Variants in CCR3 observed in about 807,000 individuals in gnomAD.
CCR3 encodes C-C motif chemokine receptor 3.
For missense variants in CCR3, 419 were observed against 437.5 expected (o/e 0.96, Z 0.38); for synonymous variants, 203 against 179.2 (o/e 1.13, Z -1.06).
intron 1 of CCR3, among the ~76,000 whole-genome samples, chr3:46,253,448 T>C (rs1192761682): frequency 6.6e-6 from 1 of 152,186 alleles, no homozygotes; most frequent in African/African-American, 2.4e-5. Context: ...TACGCTTGGC[T>C]TCTTCAACTC....
intron 2 of CCR3, among the ~76,000 whole-genome samples, chr3:46,232,843 T>A (rs937028184): frequency 8.5e-5 from 13 of 152,232 alleles, no homozygotes; most frequent in Non-Finnish European, 1.2e-4. Context: ...TCCTTTTTTG[T>A]GTTTTTCTAG....
chr3:46,233,498 A>T (rs576091558), intron 2 of CCR3, among the ~76,000 whole-genome samples: 13 of 151,808 alleles, frequency 8.6e-5, no homozygotes, highest in Non-Finnish European at 1.8e-4. Flanking sequence ...CCATACTCCT[A>T]AGCTATCTTC....
At chr3:46,211,539 G>T (rs765974810) in intron 2 of CCR3, among the ~76,000 whole-genome samples, 1 of 151,874 alleles carries the variant, frequency 6.6e-6, no homozygotes, top group Non-Finnish European at 1.5e-5. Context: ...ACCTAGATTT[G>T]CATTTCTAAT....
intron 2 of CCR3, among the ~76,000 whole-genome samples, chr3:46,211,248 G>A (rs1022609110): frequency 2.0e-5 from 3 of 150,542 alleles, no homozygotes; most frequent in African/African-American, 2.4e-5. Flanking sequence ...GCCCAGGCTG[G>A]GGTGCAGTAG....
intron 1 of CCR3, among the ~76,000 whole-genome samples, chr3:46,255,025 T>C (rs1700390959): frequency 6.6e-6 from 1 of 151,272 alleles, no homozygotes; most frequent in South Asian, 2.1e-4. Context: ...ATCAACAGCA[T>C]AAAGTGTTCT....
intron 2 of CCR3, among the ~76,000 whole-genome samples, chr3:46,216,487 C>A (rs1034927684): frequency 6.6e-6 from 1 of 152,132 alleles, no homozygotes; most frequent in African/African-American, 2.4e-5. Flanking sequence ...ACAAGAAGCT[C>A]AAAGAACACC....
At chr3:46,254,429 G>T (rs532830374) in intron 1 of CCR3, among the ~76,000 whole-genome samples, 34 of 150,276 alleles carry the variant, frequency 2.3e-4, no homozygotes, top group African/African-American at 8.1e-4. Context: ...AGCACTTACA[G>T]CATAGTTTAT....
intron 1 of CCR3, among the ~76,000 whole-genome samples, chr3:46,251,049 G>A (rs2125930760): frequency 6.6e-6 from 1 of 151,912 alleles, no homozygotes; most frequent in Non-Finnish European, 1.5e-5. Flanking sequence ...GAAGGAGAAG[G>A]GGTTGAGGGG....
chr3:46,240,342 G>T (rs780887205), upstream of CCR3, among the ~76,000 whole-genome samples: 6 of 152,166 alleles, frequency 3.9e-5, no homozygotes, highest in Admixed American at 6.5e-5. Flanking sequence ...CTGGCATTAG[G>T]ATGCAAGCAT....
intron 1 of CCR3, among the ~76,000 whole-genome samples, chr3:46,253,823 A>G (rs543896257): frequency 1.3e-5 from 2 of 152,278 alleles, no homozygotes; most frequent in South Asian, 4.1e-4. Context: ...TTAATAGAAA[A>G]CTGTTTAAAT....
At chr3:46,259,735 T>C (rs1334188130) in intron 1 of CCR3, among the ~76,000 whole-genome samples, 1 of 152,186 alleles carries the variant, frequency 6.6e-6, no homozygotes, top group Admixed American at 6.5e-5. Context: ...AAAGACTGTA[T>C]GTAGAATTGA....
chr3:46,256,818 G>A (rs954286993), intron 1 of CCR3, among the ~76,000 whole-genome samples: 4 of 152,194 alleles, frequency 2.6e-5, no homozygotes, highest in Admixed American at 2.6e-4. Context: ...GAGATCAATC[G>A]AGAATCATGA....
chr3:46,227,933 C>T (rs1322230532), intron 2 of CCR3, among the ~76,000 whole-genome samples: 3 of 151,834 alleles, frequency 2.0e-5, no homozygotes, highest in African/African-American at 4.8e-5. Context: ...TGGTTTATCT[C>T]GGTGAATGTT....
intron 2 of CCR3, among the ~76,000 whole-genome samples, chr3:46,218,070 G>A (rs1241625950): frequency 6.6e-6 from 1 of 151,882 alleles, no homozygotes; most frequent in African/African-American, 2.4e-5. Flanking sequence ...TAGACCATTA[G>A]CAAGATTAAC....
intron 1 of CCR3, among the ~76,000 whole-genome samples, chr3:46,246,922 T>C (rs993328428): frequency 6.6e-6 from 1 of 151,700 alleles, no homozygotes; most frequent in African/African-American, 2.4e-5. Flanking sequence ...TAAGGGGTGA[T>C]ATTGTGGGGA....
At chr3:46,258,907 G>T (rs1700475369) in intron 1 of CCR3, among the ~76,000 whole-genome samples, 1 of 152,188 alleles carries the variant, frequency 6.6e-6, no homozygotes, top group African/African-American at 2.4e-5. Flanking sequence ...CCCTGATCTG[G>T]TAGAATAGTA....
chr3:46,231,504 A>G (rs961166591), intron 2 of CCR3, among the ~76,000 whole-genome samples: 5 of 152,262 alleles, frequency 3.3e-5, no homozygotes, highest in African/African-American at 1.2e-4. Flanking sequence ...TTAGTCAACG[A>G]GCACAAAGTT....
At chr3:46,246,873 C>G (rs938581317) in intron 1 of CCR3, among the ~76,000 whole-genome samples, 3 of 151,886 alleles carry the variant, frequency 2.0e-5, no homozygotes, top group African/African-American at 7.3e-5. Context: ...GCGTGGGAAC[C>G]TAGAGTGGGA....
At chr3:46,240,377 C>A (rs1176171744), upstream of CCR3, among the ~76,000 whole-genome samples, 3 of 152,166 alleles carry the variant, frequency 2.0e-5, no homozygotes, top group African/African-American at 7.2e-5. Context: ...TTCATTCCTG[C>A]CTACCCCTGC....
Sources: allele counts gnomAD v4.1 joint callset (sites outside exome capture counted in the v4.1 genomes callset), GRCh38; gene constraint gnomAD v4.1.1; transcripts MANE v1.5; gene names NCBI Gene and HGNC (gene_info 2026-07-23, HGNC 2026-07-21).